The following PTK2 variants were observed in gnomAD, a reference collection of about 807,000 sequenced individuals.
PTK2 encodes focal adhesion kinase 1.
Under a neutral mutation model 150.1 loss-of-function variants are expected in PTK2, and 45 were observed. The observed-to-expected ratio is 0.30, with a 90% CI of 0.24 to 0.38. The LOEUF is 0.38. Ranked by LOEUF, PTK2 falls within the 10% of genes least tolerant of loss-of-function variation. The pLI is 1.00. For synonymous variants in PTK2, 432 were observed against 449.2 expected, an observed-to-expected ratio of 0.96 and a Z score of 0.48; for missense variants, 919 against 1,307.3, an observed-to-expected ratio of 0.70 and a Z score of 4.58.
chr8:140,710,497 T>C (rs1469304799), intron 23 of PTK2, among the ~76,000 whole-genome samples: 3 of 152,104 alleles, frequency 2.0e-5, no homozygotes, highest in Non-Finnish European at 4.4e-5. Context: ...GGTGAAACCC[T>C]GTCTTTACTA....
At position 140,953,090 on chromosome 8, in the gene PTK2, G is replaced by A. The variant is rs544051502; in HGVS notation, c.-121-27341C>T. On this transcript the variant is annotated intron_variant, in intron 1 of 31. Coordinates refer to ENST00000522684, the Ensembl canonical transcript of PTK2. ...GTTAAATAATTTGATTAAAATTAAG[G>A]AGTTAGGAAATATAATACCTAGCTA... Among the ~76,000 whole-genome samples, 6 of 152,208 alleles carry A rather than the reference G, an allele frequency of 3.9e-5. No individual in the cohort carries two copies. The South Asian group carries it at 1.2e-3, about 32-fold the overall frequency.
intron 26 of PTK2, chr8:140,686,939 G>A (rs1369953351): frequency 1.6e-5 from 8 of 487,344 alleles, no homozygotes; most frequent in African/African-American, 3.9e-5. Context: ...CCCAGTGCTG[G>A]AGAACCTGCA....
chr8:140,791,637 G>C (rs1439545739), intron 13 of PTK2, among the ~76,000 whole-genome samples: 1 of 152,130 alleles, frequency 6.6e-6, no homozygotes, highest in African/African-American at 2.4e-5. Flanking sequence ...AACTATTACA[G>C]GAAAACATGA....
intron 5 of PTK2, 47 bp downstream of exon 5, chr8:140,864,265 G>T: frequency 1.8e-6 from 2 of 1,099,884 alleles, no homozygotes; most frequent in Non-Finnish European, 2.5e-6. Flanking sequence ...CAATAAATAG[G>T]ATTCAAAGAA....
chr8:140,681,322 C>T (rs1322268103), intron 27 of PTK2, among the ~76,000 whole-genome samples: 1 of 149,892 alleles, frequency 6.7e-6, no homozygotes, highest in Admixed American at 6.7e-5. Context: ...CACTGCACTC[C>T]AGCCTAGGTG....
At position 140,717,840 on chromosome 8, in the gene PTK2, AG is replaced by A. The variant is rs1027625667; in HGVS notation, c.2031-132del. The A allele has an allele frequency of 7.7e-5, 50 of 645,450 alleles. No homozygotes were observed. In the African/African-American group the frequency reaches 8.2e-4, roughly 11 times the overall value. 40.0% of individuals were successfully genotyped at this position (645,450 alleles called of 1,614,324 possible). On this transcript the variant is annotated intron_variant, in intron 22 of 31. Transcript: ENST00000522684. Reference sequence around the variant, plus strand: ...GATAACAATAAAGGATCCTATACACAGGGGAAAGAAGGATCAGGTTTCTAAC... The same window carrying A: ...GATAACAATAAAGGATCCTATACACAGGGAAAGAAGGATCAGGTTTCTAAC...
intron 31 of PTK2, among the ~76,000 whole-genome samples, chr8:140,660,358 G>C (rs887529473): frequency 6.6e-6 from 1 of 152,156 alleles, no homozygotes; most frequent in Non-Finnish European, 1.5e-5. Flanking sequence ...CCTCAGTTCT[G>C]ACTTCTGGTC....
chr8:140,818,369 A>G lies in PTK2; in HGVS notation c.790-15T>C. On this transcript the variant is annotated splice_polypyrimidine_tract_variant and intron_variant, in intron 9 of 31. Coordinates refer to ENST00000522684, the Ensembl canonical transcript of PTK2. ...ATCCAGCTTGACTTTTGAAGGTGAA[A>G]CAAGTGAGAACAGAGGTGGCAGAAG... 6.2e-7 allele frequency: 1 copy of G among 1,602,192 alleles called. No homozygotes were observed. Among genetic ancestry groups the G allele is most frequent in the Non-Finnish European group, 8.6e-7 (1 of 1,169,090 alleles).
At chr8:140,961,129 T>C (rs2100183041) in intron 1 of PTK2, among the ~76,000 whole-genome samples, 1 of 152,208 alleles carries the variant, frequency 6.6e-6, no homozygotes, top group South Asian at 2.1e-4. Flanking sequence ...TAGAGCAAGT[T>C]TGGGCACTGT....
intron 11 of PTK2, among the ~76,000 whole-genome samples, chr8:140,803,049 C>G (rs1365473806): frequency 8.8e-6 from 1 of 113,220 alleles, no homozygotes; most frequent in East Asian, 3.0e-4. Context: ...CGGTCTTGCT[C>G]TGTCACCCAG....
chr8:140,899,523 G>C (rs2100157621), intron 2 of PTK2, among the ~76,000 whole-genome samples: 1 of 152,096 alleles, frequency 6.6e-6, no homozygotes, highest in South Asian at 2.1e-4. Context: ...AACATTTTAA[G>C]AAGTAATACC....
chr8:140,977,564 GT>G (rs1426555981), intron 1 of PTK2, among the ~76,000 whole-genome samples: 1 of 151,522 alleles, frequency 6.6e-6, no homozygotes, highest in Non-Finnish European at 1.5e-5. Flanking sequence ...GGAGGTTGCA[GT>G]GAGACGAGAC....
At chr8:140,667,655 C>T (rs1475686536) in intron 30 of PTK2, among the ~76,000 whole-genome samples, 5 of 152,162 alleles carry the variant, frequency 3.3e-5, no homozygotes, top group Admixed American at 2.6e-4. Context: ...TCCCACTCCA[C>T]TGAACACAAT....
At chr8:140,823,855 C>A (rs1419476817) in intron 8 of PTK2, among the ~76,000 whole-genome samples, 1 of 152,182 alleles carries the variant, frequency 6.6e-6, no homozygotes, top group Non-Finnish European at 1.5e-5. Context: ...TCTTCTTCCT[C>A]CTCCCACATT....
At chr8:140,727,099 G>C (rs1408763784) in intron 22 of PTK2, among the ~76,000 whole-genome samples, 1 of 152,180 alleles carries the variant, frequency 6.6e-6, no homozygotes, top group Non-Finnish European at 1.5e-5. Context: ...TTGCTAAAAT[G>C]CAAGTTTGAG....
At chr8:140,770,556 A>G (rs1161163814) in intron 14 of PTK2, among the ~76,000 whole-genome samples, 160 bp downstream of exon 15, 1 of 152,122 alleles carries the variant, frequency 6.6e-6, no homozygotes, top group African/African-American at 2.4e-5. Flanking sequence ...CCTTGCCCCC[A>G]CCCCAATCCC....
intron 2 of PTK2, among the ~76,000 whole-genome samples, chr8:140,921,780 AAGAC>A (rs1222309917): frequency 1.3e-5 from 2 of 152,240 alleles, no homozygotes; most frequent in African/African-American, 4.8e-5. Flanking sequence ...CATACTAAAG[AAGAC>A]AGACAGAAAA....
chr8:140,706,093 G>C (rs747170800), intron 24 of PTK2, 26 bp downstream of exon 27: 1 of 1,547,274 alleles, frequency 6.5e-7, no homozygotes, highest in African/African-American at 1.4e-5. Context: ...AAATAACACA[G>C]TTTATATCTG....
Position 140,840,493 on chromosome 8 carries a change from G to A in PTK2, c.593+5767C>T, listed in dbSNP as rs116865940. On this transcript the variant is annotated intron_variant, in intron 7 of 31. Coordinates refer to ENST00000522684, the Ensembl canonical transcript of PTK2. ...AACAGGAAAAAATGATGTGTAAGTTGGAAGAAGATGGGGAGAGTTAAGGTG... is the reference window on the plus strand; with the variant it reads ...AACAGGAAAAAATGATGTGTAAGTTAGAAGAAGATGGGGAGAGTTAAGGTG... Among the ~76,000 whole-genome samples the A allele has an allele frequency of 5.9e-5, 9 of 152,312 alleles. No homozygotes were observed. The East Asian group carries it at 1.5e-3, about 26-fold the overall frequency.
Sources: allele counts gnomAD v4.1 joint callset (sites outside exome capture counted in the v4.1 genomes callset), GRCh38; gene constraint gnomAD v4.1.1; transcripts MANE v1.5; gene names NCBI Gene and HGNC (gene_info 2026-07-23, HGNC 2026-07-21).